Variants in DOT1L observed in about 807,000 individuals in gnomAD.
DOT1L encodes histone-lysine N-methyltransferase, H3 lysine-79 specific.
Under a neutral mutation model 153.3 loss-of-function variants are expected in DOT1L, and 33 were observed. The observed-to-expected ratio is 0.22, with a 90% CI of 0.16 to 0.29. The LOEUF is 0.29. DOT1L is among the 10% of genes least tolerant of loss of function. The pLI is 1.00. For synonymous variants in DOT1L, 1,135 were observed against 965.1 expected (o/e 1.18, Z -3.26); for missense variants, 1,847 against 2,119.9 (o/e 0.87, Z 2.53).
At chr19:2,169,555 C>A (rs1037116209) in intron 1 of DOT1L, among the ~76,000 whole-genome samples, 2 of 151,974 alleles carry the variant, frequency 1.3e-5, no homozygotes, top group African/African-American at 4.8e-5. Flanking sequence ...GTGCAGTGGC[C>A]CAATCTCGGC....
At chr19:2,187,796 C>G (rs1016578948) in intron 3 of DOT1L, among the ~76,000 whole-genome samples, 10 of 152,054 alleles carry the variant, frequency 6.6e-5, no homozygotes, top group Non-Finnish European at 1.0e-4. Flanking sequence ...GTGGCGGGTG[C>G]CTGTAGTCCC....
chr19:2,202,219 C>G (rs1271894039), intron 8 of DOT1L, among the ~76,000 whole-genome samples: 1 of 152,194 alleles, frequency 6.6e-6, no homozygotes, highest in Non-Finnish European at 1.5e-5. Flanking sequence ...CCTGTCCTTG[C>G]CAGAGTGTCT....
At chr19:2,179,915 C>G (rs979115110) in intron 1 of DOT1L, among the ~76,000 whole-genome samples, 2 of 152,042 alleles carry the variant, frequency 1.3e-5, no homozygotes, top group African/African-American at 4.8e-5. Flanking sequence ...CACAGTAGCA[C>G]GCAGACGCGA....
Position 2,193,357 on chromosome 19 carries a change from G to C in DOT1L, c.494-332G>C, listed in dbSNP as rs756439079. On this transcript the variant is annotated intron_variant, in intron 5 of 27. Transcript: ENST00000398665. This position sits in a 1 kb window ranked among gnomAD's most constrained non-coding sequence, Gnocchi z 5.9. ...TTTGAGGTGGACGGCAGCCTTTCCA[G>C]ACCTGCAAAGTCTTGGGCAGCCCTG... 4.6e-5 allele frequency among the ~76,000 whole-genome samples: 7 copies of C among 152,188 alleles called. No individual in the cohort carries two copies. The highest frequency in any genetic ancestry group is 9.7e-5 in the African/African-American group (4 of 41,446).
chr19:2,223,716 C>A (rs1369323213), intron 25 of DOT1L, among the ~76,000 whole-genome samples: 1 of 152,176 alleles, frequency 6.6e-6, no homozygotes, highest in Non-Finnish European at 1.5e-5. Flanking sequence ...GCAGGGCCAT[C>A]GGTTAGAAGA....
intron 19 of DOT1L, 157 bp from the exon 20 acceptor site, chr19:2,216,124 C>A: frequency 8.8e-7 from 1 of 1,135,950 alleles, no homozygotes; most frequent in East Asian, 2.5e-5. Context: ...CCCCAGCTTC[C>A]CGACCCCGCC....
chr19:2,216,186 C>T, intron 19 of DOT1L, 95 bp from the exon 20 acceptor site: 1 of 1,477,910 alleles, frequency 6.8e-7, no homozygotes, highest in Admixed American at 2.3e-5. Flanking sequence ...CAGCGGGGGT[C>T]CTGGCCACCC....
chr19:2,214,772 G>T, intron 19 of DOT1L, 176 bp downstream of exon 19: 1 of 951,092 alleles, frequency 1.1e-6, no homozygotes, highest in Admixed American at 3.1e-5. Context: ...TGCCCGTGTG[G>T]ATGACTCTGC....
At chr19:2,227,875 A>AGGCCCC in intron 27 of DOT1L, 1 of 1,276,850 alleles carries the variant, frequency 7.8e-7, no homozygotes, top group Non-Finnish European at 1.0e-6. Flanking sequence ...TCTTCCTTTC[A>AGGCCCC]GGCCCCGGCC....
In DOT1L at chr19:2,229,818, A is replaced by G. The variant is rs747574003; in HGVS notation, c.*26A>G. The G allele has an allele frequency of 3.1e-6, 5 of 1,613,120 alleles. No individual in the cohort carries two copies. The highest frequency in any genetic ancestry group is 1.3e-5 in the African/African-American group (1 of 75,044). On this transcript the variant is annotated 3_prime_UTR_variant, in exon 28 of 28. Transcript: ENST00000398665. ...GATTTCTACCTCAACCGCGAGACCT[A>G]TGCAAGGACGGTGTGGACCAACTCG...
At chr19:2,200,452 C>A (rs561543060) in intron 8 of DOT1L, among the ~76,000 whole-genome samples, 2 of 152,218 alleles carry the variant, frequency 1.3e-5, no homozygotes, top group African/African-American at 4.8e-5. Flanking sequence ...CCGTCCCCAC[C>A]GCCACCTGTT....
At chr19:2,223,215 G>A (rs1462635126) in intron 24 of DOT1L, 66 bp from the exon 25 acceptor site, 1 of 1,567,306 alleles carries the variant, frequency 6.4e-7, no homozygotes, top group South Asian at 1.1e-5. Flanking sequence ...CTGGGGCGGG[G>A]GGGCTCTCCT....
intron 8 of DOT1L, among the ~76,000 whole-genome samples, chr19:2,201,537 T>G (rs755246815): frequency 6.6e-6 from 1 of 152,176 alleles, no homozygotes; most frequent in Non-Finnish European, 1.5e-5. Flanking sequence ...TCCCAAAAGT[T>G]TCCTAGGTTC....
In DOT1L at chr19:2,191,400, C is replaced by A. The variant is rs79342690; in HGVS notation, c.493+160C>A. 5,337 of 752,298 alleles carry A rather than the reference C, an allele frequency of 7.1e-3. 187 individuals carry two copies. In the African/African-American group the frequency reaches 0.082, roughly 12 times the overall value. 46.6% of individuals were successfully genotyped at this position (752,298 alleles called of 1,614,324 possible). On this transcript the variant is annotated intron_variant, in intron 5 of 27. Transcript: ENST00000398665. This position sits in a 1 kb window ranked among gnomAD's most constrained non-coding sequence, Gnocchi z 6.8. ...CCTCTGTCCCGCTGTGGGGCCGTTC[C>A]TTTCCCCAGCCCTGACCGGGCTCCA... is the stretch of plus-strand genomic sequence containing the variant.
intron 1 of DOT1L, among the ~76,000 whole-genome samples, chr19:2,170,405 C>T (rs911197403): frequency 1.3e-5 from 2 of 152,112 alleles, no homozygotes; most frequent in African/African-American, 4.8e-5. Context: ...TTTTATCTTC[C>T]AGCAGTGTGA....
At chr19:2,229,010 G>C in intron 27 of DOT1L, 3 of 985,456 alleles carry the variant, frequency 3.0e-6, no homozygotes, top group Non-Finnish European at 3.6e-6. Context: ...AGGCCCCCTT[G>C]CTGGACACGG....
intron 1 of DOT1L, among the ~76,000 whole-genome samples, chr19:2,178,950 C>T (rs1019517805): frequency 1.3e-5 from 2 of 152,172 alleles, no homozygotes; most frequent in African/African-American, 2.4e-5. Flanking sequence ...TACCCTGATC[C>T]GAACCAGGAG....
chr19:2,226,919 C>T lies in DOT1L; in HGVS notation c.4398C>T (p.Gly1466=), dbSNP rs781697845. ...CCCAGACGCACCGGTCCTTCCTGGG[C>T]CCCTTCCCGCCGGGACCGCAGTTCG... is the stretch of plus-strand genomic sequence containing the variant. ...SSAQTHRSFL[G]PFPPGPQFAL... Residue 1466 remains glycine (G), a synonymous_variant, in exon 27 of 28, where the codon GGC becomes GGT. Transcript: ENST00000398665. 1 of 1,580,434 alleles carries T rather than the reference C, an allele frequency of 6.3e-7. No individual in the cohort carries two copies.
chr19:2,216,462 C>T lies in DOT1L; in HGVS notation c.2105C>T (p.Pro702Leu). The T allele has an allele frequency of 1.2e-6, 2 of 1,612,674 alleles. No homozygotes were observed. Among genetic ancestry groups the T allele is most frequent in the Non-Finnish European group, 1.7e-6 (2 of 1,179,938 alleles). The change falls in exon 20 of 28, where the codon CCT becomes CTT. Residue 702 changes from proline to leucine, a missense_variant. Around this residue, in one of 8 missense-constraint regions of DOT1L, gnomAD observed 281 missense variants for 263.6 expected, o/e 1.07. Transcript: ENST00000398665. The stretch of plus-strand genomic sequence containing the variant: ...CTGGACTGCACCAAGTTCTCGCTGC[C>T]TCACTTGAGCAGCATGAGCCCGGAG... The part of the protein sequence containing the change: ...LELDCTKFSL[P>L]HLSSMSPELS...
Sources: gnomAD v4.1 joint callset for allele counts (sites outside exome capture counted in the v4.1 genomes callset) on GRCh38, gnomAD v4.1.1 for gene constraint, gnomAD v4.1.1 regional missense constraint, Gnocchi (gnomAD v3.1) non-coding constraint, MANE v1.5 for transcripts, NCBI Gene and HGNC (gene_info 2026-07-23, HGNC 2026-07-21) for gene names.